The following NXPE4 variants were observed in gnomAD, a reference collection of about 807,000 sequenced individuals.
The protein encoded by NXPE4 is NXPE family member 4.
In NXPE4, 42 loss-of-function variants were observed where a neutral mutation model predicts 33.3. That is an observed-to-expected ratio of 1.26 (90% CI 0.98 to 1.63). The LOEUF is 1.63. NXPE4 is among the 40% of genes most tolerant of loss of function. NXPE4 has a pLI of 0.00. For missense variants in NXPE4, 709 were observed against 647.6 expected (o/e 1.09, Z -1.03); for synonymous variants, 253 against 234.9 (o/e 1.08, Z -0.71).
At chr11:114,615,921 GATA>G in the NXPE4 span, among the ~76,000 whole-genome samples, 1 of 150,928 alleles carries the variant, frequency 6.6e-6, no homozygotes, top group Non-Finnish European at 1.5e-5. Context: ...TTACCTGGTG[GATA>G]ATATGTATCG....
At chr11:114,640,391 C>T in the NXPE4 span, among the ~76,000 whole-genome samples, 4 of 150,216 alleles carry the variant, frequency 2.7e-5, no homozygotes, top group East Asian at 5.8e-4. Flanking sequence ...CTCATGTGTT[C>T]GTCAGTTGTG....
At chr11:114,624,740 G>A in the NXPE4 span, among the ~76,000 whole-genome samples, 5 of 152,124 alleles carry the variant, frequency 3.3e-5, no homozygotes, top group Admixed American at 6.5e-5. Context: ...TTGCCTCCAG[G>A]GTAACCACTG....
the NXPE4 span, among the ~76,000 whole-genome samples, chr11:114,652,451 G>A: frequency 6.6e-6 from 1 of 152,284 alleles, no homozygotes; most frequent in Non-Finnish European, 1.5e-5. Flanking sequence ...GAGATTTTGG[G>A]CAGATGTGTT....
the NXPE4 span, among the ~76,000 whole-genome samples, chr11:114,652,905 G>A: frequency 6.6e-6 from 1 of 152,304 alleles, no homozygotes; most frequent in South Asian, 2.1e-4. Flanking sequence ...TTCAAGTGAA[G>A]CCAGAAATCC....
At chr11:114,663,557 G>C in the NXPE4 span, among the ~76,000 whole-genome samples, 1 of 151,046 alleles carries the variant, frequency 6.6e-6, no homozygotes, top group African/African-American at 2.5e-5. Flanking sequence ...ACCATCTCCT[G>C]TCTATCTCTA....
chr11:114,585,117 T>C (rs1311835055), intron 2 of NXPE4, among the ~76,000 whole-genome samples: 1 of 151,938 alleles, frequency 6.6e-6, no homozygotes, highest in Non-Finnish European at 1.5e-5. Flanking sequence ...TTAGATTGGT[T>C]CCATTCTCAT....
At chr11:114,591,664 A>G (rs997229028) in intron 2 of NXPE4, among the ~76,000 whole-genome samples, 5 of 152,162 alleles carry the variant, frequency 3.3e-5, no homozygotes. Context: ...GGCAAGCTGT[A>G]CTTTCCAGCC....
At chr11:114,632,464 T>A in the NXPE4 span, among the ~76,000 whole-genome samples, 1 of 129,098 alleles carries the variant, frequency 7.7e-6, no homozygotes, top group African/African-American at 2.8e-5. Context: ...GAGTTATACA[T>A]TATATATACT....
At chr11:114,594,142 A>G (rs1409505630) in intron 2 of NXPE4, among the ~76,000 whole-genome samples, 6 of 152,150 alleles carry the variant, frequency 3.9e-5, no homozygotes, top group Admixed American at 2.0e-4. Context: ...ACAATCACCA[A>G]TAATTTATTT....
chr11:114,673,214 A>T, the NXPE4 span, among the ~76,000 whole-genome samples: 368 of 151,532 alleles, frequency 2.4e-3, 6 homozygotes, highest in Non-Finnish European at 3.9e-3. Context: ...TAAACAACAC[A>T]CTACTAAATA....
the NXPE4 span, among the ~76,000 whole-genome samples, chr11:114,632,494 A>C: frequency 8.0e-6 from 1 of 125,318 alleles, no homozygotes; most frequent in Non-Finnish European, 1.6e-5. Flanking sequence ...TCCATAATAT[A>C]TATTATAGTA....
At chr11:114,623,499 C>CG in the NXPE4 span, among the ~76,000 whole-genome samples, 1 of 151,894 alleles carries the variant, frequency 6.6e-6, no homozygotes, top group Non-Finnish European at 1.5e-5. Flanking sequence ...CACTGTTACC[C>CG]AGTGGATAAT....
chr11:114,647,223 G>C, the NXPE4 span, among the ~76,000 whole-genome samples: 1 of 152,142 alleles, frequency 6.6e-6, no homozygotes, highest in African/African-American at 2.4e-5. Context: ...GTAGATTTGG[G>C]TAAGTAATGT....
At chr11:114,651,080 T>C in the NXPE4 span, among the ~76,000 whole-genome samples, 3 of 149,768 alleles carry the variant, frequency 2.0e-5, no homozygotes, top group Middle Eastern at 7.1e-3. Context: ...TGTATAATAA[T>C]ATATATACAA....
At chr11:114,606,033 G>C in the NXPE4 span, among the ~76,000 whole-genome samples, 3 of 151,844 alleles carry the variant, frequency 2.0e-5, no homozygotes, top group African/African-American at 7.3e-5. Context: ...TTACCAGGAG[G>C]ATAATAAGGT....
the NXPE4 span, among the ~76,000 whole-genome samples, chr11:114,666,707 G>T: frequency 3.3e-5 from 5 of 151,990 alleles, no homozygotes; most frequent in African/African-American, 1.2e-4. Flanking sequence ...AGGTATTAGG[G>T]TCTCAAATTG....
chr11:114,620,293 G>A, the NXPE4 span, among the ~76,000 whole-genome samples: 8 of 152,010 alleles, frequency 5.3e-5, no homozygotes, highest in Non-Finnish European at 8.8e-5. Flanking sequence ...AATAAGTAAT[G>A]CCTCGTGGGT....
the NXPE4 span, among the ~76,000 whole-genome samples, chr11:114,619,452 G>A: frequency 6.7e-6 from 1 of 149,270 alleles, no homozygotes. Flanking sequence ...TGGAGAATAA[G>A]TGTTGCCTCG....
At chr11:114,598,113 G>C (rs1352211683), upstream of NXPE4, among the ~76,000 whole-genome samples, 1 of 152,186 alleles carries the variant, frequency 6.6e-6, no homozygotes, top group South Asian at 2.1e-4. Flanking sequence ...ATTCTAAAAG[G>C]GAAAAATTGG....
Sources: gnomAD v4.1 joint callset for allele counts (sites outside exome capture counted in the v4.1 genomes callset) on GRCh38, gnomAD v4.1.1 for gene constraint, MANE v1.5 for transcripts, NCBI Gene and HGNC (gene_info 2026-07-23, HGNC 2026-07-21) for gene names.